EPB41: variants seen among roughly 807,000 people sequenced by gnomAD.
The protein encoded by EPB41 is erythrocyte membrane protein band 4.1.
In EPB41, 65 loss-of-function variants were observed where a neutral mutation model predicts 108.0. The ratio of observed to expected loss-of-function variants is 0.60; its 90% CI spans 0.49 to 0.74. EPB41 has a LOEUF of 0.74. Among genes scored for constraint, EPB41 ranks in the 30% least tolerant of loss-of-function variants. The pLI, the probability that EPB41 is intolerant of heterozygous loss-of-function variation, is 0.00. For missense variants in EPB41, 875 were observed against 1,037.0 expected (o/e 0.84, Z 2.15); for synonymous variants, 336 against 358.9 (o/e 0.94, Z 0.72).
chr1:29,038,209 C>A (rs1018440727), intron 10 of EPB41, among the ~76,000 whole-genome samples: 3 of 152,162 alleles, frequency 2.0e-5, no homozygotes, highest in Admixed American at 6.6e-5. Flanking sequence ...ATTTTACACC[C>A]AATTAAAGAA....
chr1:29,093,790 A>T (rs1662195486), intron 16 of EPB41, among the ~76,000 whole-genome samples: 1 of 152,182 alleles, frequency 6.6e-6, no homozygotes, highest in African/African-American at 2.4e-5. Flanking sequence ...CTGTAGTCTC[A>T]GCTACTCTGG....
At chr1:29,056,291 A>G (rs565791953) in intron 12 of EPB41, among the ~76,000 whole-genome samples, 3 of 151,948 alleles carry the variant, frequency 2.0e-5, no homozygotes, top group South Asian at 4.1e-4. Flanking sequence ...AAAAAAAACT[A>G]TGGCATTTAC....
chr1:28,998,113 A>G (rs978183511), intron 4 of EPB41, among the ~76,000 whole-genome samples: 1 of 152,218 alleles, frequency 6.6e-6, no homozygotes, highest in Non-Finnish European at 1.5e-5. Flanking sequence ...AACATTAATT[A>G]CTGGTTTGAT....
chr1:29,079,671 A>G (rs1276376634), intron 16 of EPB41, among the ~76,000 whole-genome samples: 6 of 151,740 alleles, frequency 4.0e-5, no homozygotes. Context: ...TCAGCCTCTC[A>G]CCGCACCCAG....
intron 1 of EPB41, among the ~76,000 whole-genome samples, chr1:28,956,289 G>T (rs2094946518): frequency 2.0e-5 from 3 of 152,206 alleles, no homozygotes; most frequent in South Asian, 4.1e-4. Context: ...AATTACAACT[G>T]TGGCTAGGAA....
chr1:29,113,088 G>T (rs1669752269), intron 19 of EPB41, among the ~76,000 whole-genome samples: 1 of 152,114 alleles, frequency 6.6e-6, no homozygotes, highest in African/African-American at 2.4e-5. Flanking sequence ...AAAGAGAGTG[G>T]GTTGATCTAG....
In EPB41 at chr1:28,887,520, C is replaced by T. The variant is rs575621713; in HGVS notation, c.-8+310C>T. On this transcript the variant is annotated intron_variant, in intron 1 of 16. Transcript: ENST00000347529. The surrounding 1 kb of genome is among the most constrained non-coding windows in gnomAD (Gnocchi z 4.9). ...CTGGCTGTCTGGGGCGGGGGTCCTG[C>T]ATTCGGTGTCCGCGGGAGAGTCCCT... 626 of 985,302 alleles carry T rather than the reference C, an allele frequency of 6.4e-4. 1 individual carries two copies. The African/African-American group carries it at 8.7e-3, about 14-fold the overall frequency. The allele number at this position is 985,302 out of a possible 1,614,324, so 61.0% of individuals were successfully genotyped here.
At chr1:29,105,203 A>G (rs1235090041) in intron 17 of EPB41, among the ~76,000 whole-genome samples, 1 of 152,154 alleles carries the variant, frequency 6.6e-6, no homozygotes, top group East Asian at 1.9e-4. Flanking sequence ...TCATGTAAGT[A>G]GAAGTATACA....
At chr1:29,109,480 G>A in intron 18 of EPB41, 43 bp downstream of exon 18, 1 of 1,534,852 alleles carries the variant, frequency 6.5e-7, no homozygotes, top group Non-Finnish European at 9.0e-7. Context: ...CCAGGGGCAG[G>A]CTAAGCTTGC....
rs2096600570 is a variant in EPB41, at chr1:29,018,146, C to T, written c.906-78C>T. Reference sequence around the variant, plus strand: ...TTTTTCTCTCTCTCCCTTTCTGTTTCTCCCCTTTTCTCCTTTTTCTCTCTT... The same window carrying T: ...TTTTTCTCTCTCTCCCTTTCTGTTTTTCCCCTTTTCTCCTTTTTCTCTCTT... On this transcript the variant is annotated intron_variant, in intron 6 of 20. Transcript: ENST00000343067. The surrounding 1 kb of genome is among the most constrained non-coding windows in gnomAD (Gnocchi z 4.4). 3.9e-6 allele frequency: 5 copies of T among 1,284,658 alleles called. No individual in the cohort carries two copies. Among genetic ancestry groups the T allele is most frequent in the South Asian group, 3.7e-5 (3 of 81,760 alleles). 79.6% of individuals were successfully genotyped at this position (1,284,658 alleles called of 1,614,324 possible).
intron 1 of EPB41, among the ~76,000 whole-genome samples, chr1:28,980,590 AC>A (rs2095714094): frequency 3.3e-5 from 5 of 150,440 alleles, no homozygotes; most frequent in Admixed American, 6.6e-5. Context: ...GGTTGTGTGT[AC>A]CTGTAGTTCC....
intron 17 of EPB41, among the ~76,000 whole-genome samples, chr1:29,108,543 A>ATTTAT (rs1213461342): frequency 5.3e-5 from 8 of 151,546 alleles, no homozygotes; most frequent in Non-Finnish European, 1.0e-4. Context: ...TGCCCAGGGA[A>ATTTAT]TTTATTTTAT....
In EPB41 at chr1:28,943,936, C is replaced by T. The variant is rs146419650; in HGVS notation, c.-8+29168C>T. On this transcript the variant is annotated intron_variant, in intron 1 of 20. Transcript: ENST00000343067. ...CCAATGTTTGTTGCAGCACTGTTTA[C>T]AATAGCTAAGATTTGGAAGCAGCCT... Among the ~76,000 whole-genome samples the T allele has an allele frequency of 7.0e-3, 1,070 of 152,230 alleles. 4 individuals carry two copies. Among genetic ancestry groups the T allele is most frequent in the Non-Finnish European group, 9.6e-3 (655 of 68,012 alleles).
intron 4 of EPB41, among the ~76,000 whole-genome samples, chr1:28,999,260 C>T (rs2096248872): frequency 1.3e-5 from 2 of 152,124 alleles, no homozygotes; most frequent in South Asian, 4.1e-4. Flanking sequence ...GTACCAGCTA[C>T]TTGGGAGGCT....
intron 7 of EPB41, among the ~76,000 whole-genome samples, chr1:29,028,911 A>G (rs765991705): frequency 2.6e-5 from 4 of 152,006 alleles, no homozygotes; most frequent in Non-Finnish European, 5.9e-5. Flanking sequence ...ACATGGTGGC[A>G]TGCACCTGTA....
At chr1:28,960,388 A>C (rs1332243200) in intron 1 of EPB41, among the ~76,000 whole-genome samples, 1 of 151,366 alleles carries the variant, frequency 6.6e-6, no homozygotes, top group Non-Finnish European at 1.5e-5. Flanking sequence ...ATGAATAAGA[A>C]CCTTGAGCTA....
chr1:29,065,197 G>C, intron 16 of EPB41, 39 bp downstream of exon 16: 1 of 1,527,134 alleles, frequency 6.5e-7, no homozygotes, highest in Non-Finnish European at 8.8e-7. Context: ...TGAAAATGGA[G>C]GGAATAAATG....
intron 16 of EPB41, 122 bp from the exon 17 acceptor site, chr1:29,097,685 T>C: frequency 8.2e-7 from 1 of 1,221,178 alleles, no homozygotes; most frequent in South Asian, 1.2e-5. Context: ...GTAAACACCT[T>C]TGTAGATTGA....
intron 16 of EPB41, chr1:29,068,695 C>T: frequency 2.5e-6 from 3 of 1,213,654 alleles, no homozygotes; most frequent in Non-Finnish European, 3.1e-6. Context: ...TGTTGCATTG[C>T]AAGGCAACTG....
Sources: allele counts gnomAD v4.1 joint callset (sites outside exome capture counted in the v4.1 genomes callset), GRCh38; gene constraint gnomAD v4.1.1; non-coding constraint Gnocchi (gnomAD v3.1); transcripts MANE v1.5; gene names NCBI Gene and HGNC (gene_info 2026-07-23, HGNC 2026-07-21).